Variants in FSTL5 observed in about 807,000 individuals in gnomAD.
FSTL5 encodes follistatin-related protein 5.
Under a neutral mutation model 89.1 loss-of-function variants are expected in FSTL5, and 62 were observed. The observed-to-expected ratio is 0.70, with a 90% CI of 0.57 to 0.86. The LOEUF is 0.86. Among genes scored for constraint, FSTL5 ranks in the 40% least tolerant of loss-of-function variants. The pLI is 0.00. For synonymous variants in FSTL5, 383 were observed against 346.2 expected (o/e 1.11, Z -1.18); for missense variants, 1,057 against 1,001.6 (o/e 1.06, Z -0.75).
chr4:162,114,667 A>T (rs1731569571), intron 1 of FSTL5, among the ~76,000 whole-genome samples: 2 of 152,178 alleles, frequency 1.3e-5, no homozygotes, highest in South Asian at 4.1e-4. Flanking sequence ...AGCTTCTGTT[A>T]GATCCCATGC....
chr4:161,423,079 G>C (rs961491594), intron 15 of FSTL5, among the ~76,000 whole-genome samples: 1 of 152,046 alleles, frequency 6.6e-6, no homozygotes, highest in Non-Finnish European at 1.5e-5. Context: ...ACTACACTAT[G>C]TCAAGTACTT....
At chr4:161,709,962 A>AT (rs1738722571) in intron 6 of FSTL5, among the ~76,000 whole-genome samples, 2 of 152,080 alleles carry the variant, frequency 1.3e-5, no homozygotes, top group Middle Eastern at 3.4e-3. Flanking sequence ...AAAAACTTAC[A>AT]TTTTTCTGGT....
chr4:161,501,679 G>A (rs552872737), intron 11 of FSTL5, among the ~76,000 whole-genome samples: 19 of 151,810 alleles, frequency 1.3e-4, no homozygotes, highest in Admixed American at 5.3e-4. Context: ...GCATAAAGAC[G>A]GAATATTCCT....
At chr4:161,435,929 T>A (rs1387190717) in intron 15 of FSTL5, among the ~76,000 whole-genome samples, 1 of 152,094 alleles carries the variant, frequency 6.6e-6, no homozygotes, top group African/African-American at 2.4e-5. Flanking sequence ...TTTATTTTAT[T>A]TTATTATAAA....
intron 10 of FSTL5, among the ~76,000 whole-genome samples, chr4:161,531,064 G>A (rs1731395765): frequency 6.6e-6 from 1 of 152,030 alleles, no homozygotes; most frequent in Non-Finnish European, 1.5e-5. Context: ...AATCCTCCCT[G>A]TATGTCACTC....
At chr4:161,568,067 T>C (rs1578931926) in intron 8 of FSTL5, among the ~76,000 whole-genome samples, 1 of 151,604 alleles carries the variant, frequency 6.6e-6, no homozygotes, top group East Asian at 1.9e-4. Flanking sequence ...TCTGTCTCCG[T>C]GTGCTGAAGT....
At chr4:162,011,904 A>C (rs1736779752) in intron 3 of FSTL5, among the ~76,000 whole-genome samples, 1 of 152,078 alleles carries the variant, frequency 6.6e-6, no homozygotes, top group Non-Finnish European at 1.5e-5. Flanking sequence ...CCTGCTATTT[A>C]TTATTCTTCT....
chr4:161,662,543 C>G (rs1326375608), intron 6 of FSTL5, among the ~76,000 whole-genome samples: 3 of 151,864 alleles, frequency 2.0e-5, no homozygotes, highest in Non-Finnish European at 4.4e-5. Context: ...AGATTAGACA[C>G]AGCAAAAAAG....
At chr4:161,902,644 G>A (rs1032925317) in intron 4 of FSTL5, among the ~76,000 whole-genome samples, 1 of 151,978 alleles carries the variant, frequency 6.6e-6, no homozygotes, top group African/African-American at 2.4e-5. Context: ...TCAGGAGATC[G>A]AGACCATCCT....
At chr4:161,873,172 G>A (rs1457653378) in intron 4 of FSTL5, among the ~76,000 whole-genome samples, 1 of 152,016 alleles carries the variant, frequency 6.6e-6, no homozygotes, top group East Asian at 1.9e-4. Context: ...ATTTAACCTT[G>A]GGTCAGGTGC....
At chr4:161,899,938 T>C (rs1290745404) in intron 4 of FSTL5, among the ~76,000 whole-genome samples, 2 of 152,164 alleles carry the variant, frequency 1.3e-5, no homozygotes, top group East Asian at 1.9e-4. Context: ...CTCACTCCTG[T>C]AATACCAGCA....
intron 15 of FSTL5, among the ~76,000 whole-genome samples, chr4:161,449,581 T>C (rs762992413): frequency 1.3e-5 from 2 of 152,168 alleles, no homozygotes; most frequent in South Asian, 4.1e-4. Context: ...TTGAATTTAC[T>C]CTAAGTGCCC....
intron 15 of FSTL5, among the ~76,000 whole-genome samples, chr4:161,391,089 G>C (rs905499189): frequency 6.6e-6 from 1 of 152,146 alleles, no homozygotes; most frequent in African/African-American, 2.4e-5. Flanking sequence ...ACTCTATCCT[G>C]TTATAAAAAC....
intron 6 of FSTL5, among the ~76,000 whole-genome samples, chr4:161,723,036 A>C (rs910245180): frequency 6.6e-6 from 1 of 152,196 alleles, no homozygotes; most frequent in African/African-American, 2.4e-5. Context: ...AGGCCAAGTC[A>C]TCTAAGGGGC....
chr4:162,013,648 T>G (rs1736832796), intron 3 of FSTL5, among the ~76,000 whole-genome samples: 1 of 152,182 alleles, frequency 6.6e-6, no homozygotes, highest in African/African-American at 2.4e-5. Context: ...GTTTTACAGG[T>G]TGGGATCATG....
At position 161,619,088 on chromosome 4, in the gene FSTL5, GA is replaced by G. The variant is rs1484354625; in HGVS notation, c.895-31514del. 9.2e-5 allele frequency among the ~76,000 whole-genome samples: 14 copies of G among 152,220 alleles called. No homozygotes were observed. In the Middle Eastern group the frequency reaches 0.014, roughly 148 times the overall value. On this transcript the variant is annotated intron_variant, in intron 7 of 15. Transcript: ENST00000306100. ...AAACCTGAGAAAAACAAGAAATGGG[GA>G]AAGGATTCCCTATTTAATAAATGGT...
intron 1 of FSTL5, among the ~76,000 whole-genome samples, chr4:162,160,603 TAGAA>T (rs1358935194): frequency 1.3e-5 from 2 of 151,864 alleles, no homozygotes; most frequent in African/African-American, 2.4e-5. Flanking sequence ...GAAGAACTAA[TAGAA>T]AGATGTCATT....
At chr4:161,567,193 A>G (rs1349867010) in intron 8 of FSTL5, among the ~76,000 whole-genome samples, 1 of 152,158 alleles carries the variant, frequency 6.6e-6, no homozygotes, top group Non-Finnish European at 1.5e-5. Context: ...AGAAATAATC[A>G]TAAATTACAC....
chr4:161,992,559 G>T (rs1578925907), intron 3 of FSTL5, among the ~76,000 whole-genome samples: 2 of 151,830 alleles, frequency 1.3e-5, no homozygotes, highest in Non-Finnish European at 2.9e-5. Flanking sequence ...GCAAGTAGTG[G>T]AAGCAGGGCG....
Sources: allele counts gnomAD v4.1 joint callset (sites outside exome capture counted in the v4.1 genomes callset), GRCh38; gene constraint gnomAD v4.1.1; transcripts MANE v1.5; gene names NCBI Gene and HGNC (gene_info 2026-07-23, HGNC 2026-07-21).